Variants in FSTL5 observed in about 807,000 individuals in gnomAD.
The protein encoded by FSTL5 is follistatin like 5.
In FSTL5, 62 loss-of-function variants were observed where a neutral mutation model predicts 89.1. The observed-to-expected ratio is 0.70, with a 90% CI of 0.57 to 0.86. The LOEUF is 0.86. FSTL5 is among the 40% of genes least tolerant of loss of function. The probability of loss-of-function intolerance (pLI) is 0.00; values close to 1 mark genes in which losing one functional copy is unlikely to be tolerated. For missense variants in FSTL5, 1,057 were observed against 1,001.6 expected, an observed-to-expected ratio of 1.06 and a Z score of -0.75; for synonymous variants, 383 against 346.2, an observed-to-expected ratio of 1.11 and a Z score of -1.18.
chr4:161,907,407 T>C (rs190873808), intron 4 of FSTL5, among the ~76,000 whole-genome samples: 39 of 152,224 alleles, frequency 2.6e-4, no homozygotes, highest in Admixed American at 2.3e-3. Flanking sequence ...AAAGACATTA[T>C]GGGTTTTCAT....
intron 6 of FSTL5, among the ~76,000 whole-genome samples, chr4:161,746,824 C>CT (rs1160328990): frequency 6.6e-6 from 1 of 151,758 alleles, no homozygotes; most frequent in East Asian, 1.9e-4. Context: ...TCCTAAGCCT[C>CT]TTTTTTCACT....
intron 10 of FSTL5, among the ~76,000 whole-genome samples, chr4:161,527,854 G>A (rs1262873526): frequency 7.3e-5 from 11 of 150,726 alleles, no homozygotes; most frequent in South Asian, 2.1e-4. Context: ...ACGTATGTTT[G>A]TTGCGGCACT....
chr4:162,008,915 C>A (rs1736685305), intron 3 of FSTL5, among the ~76,000 whole-genome samples: 1 of 151,878 alleles, frequency 6.6e-6, no homozygotes, highest in African/African-American at 2.4e-5. Context: ...TCTCTACTTA[C>A]TATTTAGCTT....
chr4:162,012,913 G>A (rs78311027), intron 3 of FSTL5, among the ~76,000 whole-genome samples: 8 of 152,140 alleles, frequency 5.3e-5, no homozygotes, highest in Non-Finnish European at 7.4e-5. Flanking sequence ...GCTGGGCGTC[G>A]TGGCTCACTC....
chr4:161,949,772 T>G (rs1734840791), intron 3 of FSTL5, among the ~76,000 whole-genome samples: 1 of 151,948 alleles, frequency 6.6e-6, no homozygotes, highest in Admixed American at 6.6e-5. Context: ...CTAAAAGTTT[T>G]TTTTTTTAAA....
chr4:161,533,499 C>G (rs949231587), intron 10 of FSTL5, among the ~76,000 whole-genome samples: 1 of 151,966 alleles, frequency 6.6e-6, no homozygotes, highest in Non-Finnish European at 1.5e-5. Flanking sequence ...CTTGGAAACA[C>G]ATAACCCTTC....
At chr4:161,676,499 G>A (rs1461648058) in intron 6 of FSTL5, among the ~76,000 whole-genome samples, 1 of 151,982 alleles carries the variant, frequency 6.6e-6, no homozygotes, top group Non-Finnish European at 1.5e-5. Context: ...ACCGGGGCCT[G>A]TCGGGAGGTG....
chr4:161,913,197 A>G (rs1026182425), intron 4 of FSTL5, among the ~76,000 whole-genome samples: 9 of 152,242 alleles, frequency 5.9e-5, no homozygotes. Context: ...AGGAATTTGT[A>G]TAAGCAGCAA....
chr4:161,513,876 A>G (rs914726096), intron 10 of FSTL5, among the ~76,000 whole-genome samples: 4 of 152,096 alleles, frequency 2.6e-5, no homozygotes, highest in Non-Finnish European at 5.9e-5. Flanking sequence ...AAAAATAACT[A>G]ATGGGCACTT....
chr4:162,020,651 G>C (rs1487814988), intron 3 of FSTL5, among the ~76,000 whole-genome samples: 1 of 151,706 alleles, frequency 6.6e-6, no homozygotes, highest in African/African-American at 2.4e-5. Flanking sequence ...TTTAAGGTAG[G>C]CCATTTGACT....
At chr4:161,644,931 G>A (rs1280562917) in intron 7 of FSTL5, among the ~76,000 whole-genome samples, 3 of 152,258 alleles carry the variant, frequency 2.0e-5, no homozygotes, top group Admixed American at 1.3e-4. Context: ...TTTTGTGACA[G>A]ATTAGATTTG....
chr4:161,746,164 T>C (rs1740196589), intron 6 of FSTL5, among the ~76,000 whole-genome samples: 1 of 152,116 alleles, frequency 6.6e-6, no homozygotes, highest in Non-Finnish European at 1.5e-5. Context: ...ATTTGAGGTT[T>C]GAAGTTGTCA....
intron 3 of FSTL5, among the ~76,000 whole-genome samples, chr4:161,988,062 C>T (rs1313293575): frequency 7.2e-6 from 1 of 138,542 alleles, no homozygotes; most frequent in East Asian, 2.1e-4. Flanking sequence ...CTAAAAAAAC[C>T]ACTAAAAAAA....
chr4:161,952,626 A>T (rs1243798665), intron 3 of FSTL5, among the ~76,000 whole-genome samples: 2 of 151,962 alleles, frequency 1.3e-5, no homozygotes, highest in Non-Finnish European at 2.9e-5. Flanking sequence ...GAAAATAAAC[A>T]TGGTTAGTGT....
chr4:161,697,373 A>G (rs1210968309), intron 6 of FSTL5, among the ~76,000 whole-genome samples: 3 of 152,126 alleles, frequency 2.0e-5, no homozygotes, highest in African/African-American at 7.2e-5. Context: ...GGGAAAAAAT[A>G]TTTCCTGGAG....
At chr4:162,110,796 T>A (rs149555700) in intron 2 of FSTL5, among the ~76,000 whole-genome samples, 272 of 151,908 alleles carry the variant, frequency 1.8e-3, no homozygotes, top group Non-Finnish European at 3.0e-3. Context: ...AAACCCCATA[T>A]TGTGAAAATT....
At chr4:161,924,175 T>G (rs1734064152) in intron 3 of FSTL5, among the ~76,000 whole-genome samples, 1 of 151,714 alleles carries the variant, frequency 6.6e-6, no homozygotes, top group African/African-American at 2.4e-5. Flanking sequence ...AAAAAAGGAT[T>G]ATATATTTAA....
At chr4:161,686,990 T>A (rs1737770443) in intron 6 of FSTL5, among the ~76,000 whole-genome samples, 1 of 152,146 alleles carries the variant, frequency 6.6e-6, no homozygotes, top group Non-Finnish European at 1.5e-5. Flanking sequence ...CATTGCGTAT[T>A]ATCATGAAAC....
chr4:162,026,421 C>T (rs1442538751), intron 3 of FSTL5, among the ~76,000 whole-genome samples: 1 of 149,910 alleles, frequency 6.7e-6, no homozygotes, highest in African/African-American at 2.4e-5. Context: ...GATTCTACTG[C>T]CTCAGCCTCC....
Sources: gnomAD v4.1 joint callset for allele counts (sites outside exome capture counted in the v4.1 genomes callset) on GRCh38, gnomAD v4.1.1 for gene constraint, MANE v1.5 for transcripts, NCBI Gene and HGNC (gene_info 2026-07-23, HGNC 2026-07-21) for gene names.